CD2AP: variants seen among roughly 807,000 people sequenced by gnomAD.
The protein encoded by CD2AP is CD2-associated protein.
A neutral mutation model predicts 85.1 loss-of-function variants in CD2AP; 46 were observed. The ratio of observed to expected loss-of-function variants is 0.54; its 90% confidence interval spans 0.43 to 0.69. CD2AP has a LOEUF of 0.69. CD2AP is among the 30% of genes least tolerant of loss of function. CD2AP has a pLI of 0.00. For synonymous variants in CD2AP, 255 were observed against 252.9 expected (o/e 1.01, Z -0.08); for missense variants, 769 against 729.5 (o/e 1.05, Z -0.62).
intron 11 of CD2AP, among the ~76,000 whole-genome samples, chr6:47,586,708 T>C (rs1443706837): frequency 6.6e-6 from 1 of 152,174 alleles, no homozygotes; most frequent in Non-Finnish European, 1.5e-5. Context: ...AGGAAAACGA[T>C]ACTAGATTGG....
chr6:47,603,953 C>T (rs925169885), intron 13 of CD2AP, among the ~76,000 whole-genome samples: 1 of 151,908 alleles, frequency 6.6e-6, no homozygotes, highest in African/African-American at 2.4e-5. Flanking sequence ...TTTATTCTAA[C>T]CCTTTTGGTT....
chr6:47,606,277 T>G lies in CD2AP; in HGVS notation c.1530T>G (p.Ser510=). 2 of 1,526,370 alleles carry G rather than the reference T, an allele frequency of 1.3e-6. No homozygotes were observed. Among genetic ancestry groups the G allele is most frequent in the Admixed American group, 3.3e-5 (2 of 59,790 alleles). The allele number at this position is 1,526,370 out of a possible 1,614,324, so 94.6% of individuals were successfully genotyped here. The change falls in exon 14 of 18, where the codon TCT becomes TCG. Residue 510 remains serine, a splice_region_variant and synonymous_variant. Transcript: ENST00000359314. ...RLPGRFNGGH[S]PTHSPEKILK... ...CGGGCCGTTTCAATGGTGGACATTC[T>G]GTGAGTTCATCTAATTGTCGTAAAC...
intron 1 of CD2AP, among the ~76,000 whole-genome samples, chr6:47,482,471 C>T (rs1178404790): frequency 1.3e-5 from 2 of 151,416 alleles, no homozygotes; most frequent in East Asian, 1.9e-4. Context: ...CTCCGCCTCC[C>T]GGGTTCAAGC....
At chr6:47,611,152 C>A (rs1183690450) in intron 16 of CD2AP, among the ~76,000 whole-genome samples, 6 of 149,160 alleles carry the variant, frequency 4.0e-5, no homozygotes, top group Non-Finnish European at 8.9e-5. Flanking sequence ...AGAAATACTA[C>A]ACAGCATACA....
intron 1 of CD2AP, among the ~76,000 whole-genome samples, chr6:47,484,282 C>G (rs1765513546): frequency 6.6e-6 from 1 of 151,860 alleles, no homozygotes; most frequent in Non-Finnish European, 1.5e-5. Flanking sequence ...TGGTTTTAAC[C>G]ACAAATGAAG....
chr6:47,494,566 A>G (rs1432144997), intron 1 of CD2AP, among the ~76,000 whole-genome samples: 1 of 152,108 alleles, frequency 6.6e-6, no homozygotes. Context: ...GTTACAGAGA[A>G]TACTCAGGTT....
intron 5 of CD2AP, among the ~76,000 whole-genome samples, chr6:47,566,927 A>G (rs1768019553): frequency 6.6e-6 from 1 of 152,172 alleles, no homozygotes; most frequent in Admixed American, 6.5e-5. Context: ...AATATTGTAA[A>G]CATATGCATG....
At chr6:47,604,405 A>G (rs1460657254) in intron 13 of CD2AP, among the ~76,000 whole-genome samples, 2 of 152,070 alleles carry the variant, frequency 1.3e-5, no homozygotes, top group African/African-American at 2.4e-5. Context: ...GACATTTTAC[A>G]TGAGCATGGT....
At chr6:47,514,143 G>C (rs886370253) in intron 2 of CD2AP, among the ~76,000 whole-genome samples, 4 of 151,910 alleles carry the variant, frequency 2.6e-5, no homozygotes, top group Admixed American at 2.6e-4. Flanking sequence ...TGCTTTTTGT[G>C]ACTTGTCTAA....
At chr6:47,543,179 GAAAAAA>G (rs1767275118) in intron 3 of CD2AP, among the ~76,000 whole-genome samples, 1 of 127,284 alleles carries the variant, frequency 7.9e-6, no homozygotes, top group Admixed American at 7.7e-5. Flanking sequence ...AAAAGAAAAA[GAAAAAA>G]GAAAAAAAAG....
chr6:47,601,481 TGTTA>T (rs1296409791), intron 13 of CD2AP, among the ~76,000 whole-genome samples: 5 of 151,970 alleles, frequency 3.3e-5, no homozygotes, highest in Admixed American at 3.3e-4. Flanking sequence ...ATTTAGTTCA[TGTTA>T]ACTGTCAGAT....
chr6:47,556,604 C>T (rs1767699871), intron 5 of CD2AP, among the ~76,000 whole-genome samples: 1 of 152,080 alleles, frequency 6.6e-6, no homozygotes, highest in African/African-American at 2.4e-5. Flanking sequence ...ACGCCTCGGC[C>T]TCCCAAAGTG....
intron 3 of CD2AP, among the ~76,000 whole-genome samples, chr6:47,535,215 C>G (rs747398903): frequency 6.6e-6 from 1 of 152,084 alleles, no homozygotes; most frequent in Non-Finnish European, 1.5e-5. Context: ...AGGTCATTGC[C>G]AAGGTCTGAT....
intron 11 of CD2AP, among the ~76,000 whole-genome samples, chr6:47,586,386 G>C (rs1768631459): frequency 6.6e-6 from 1 of 152,118 alleles, no homozygotes; most frequent in Admixed American, 6.5e-5. Flanking sequence ...AAAGTGAACA[G>C]AATATTGGTT....
At chr6:47,512,375 T>C (rs1249880879) in intron 2 of CD2AP, among the ~76,000 whole-genome samples, 1 of 152,108 alleles carries the variant, frequency 6.6e-6, no homozygotes, top group African/African-American at 2.4e-5. Context: ...GCATGTTATT[T>C]TGTAAATCTG....
chr6:47,505,915 C>A, intron 2 of CD2AP, among the ~76,000 whole-genome samples: 1 of 108,250 alleles, frequency 9.2e-6, no homozygotes, highest in South Asian at 3.5e-4. Context: ...CCCCCCACCT[C>A]CCTCCCGGAC....
At chr6:47,479,199 T>A (rs1328502698) in intron 1 of CD2AP, among the ~76,000 whole-genome samples, 1 of 152,226 alleles carries the variant, frequency 6.6e-6, no homozygotes, top group African/African-American at 2.4e-5. Context: ...AAACCCAAGT[T>A]TGATTTTTGT....
chr6:47,518,477 T>C (rs2114003126), intron 2 of CD2AP, among the ~76,000 whole-genome samples: 1 of 152,380 alleles, frequency 6.6e-6, no homozygotes, highest in South Asian at 2.1e-4. Flanking sequence ...TTGGCTTTTT[T>C]GTGTCTGCTC....
intron 17 of CD2AP, among the ~76,000 whole-genome samples, chr6:47,621,134 G>C (rs1440565011): frequency 6.6e-6 from 1 of 152,144 alleles, no homozygotes; most frequent in Non-Finnish European, 1.5e-5. Context: ...TTCTCAGAGG[G>C]AATGCTTTCA....
Sources: gnomAD v4.1 joint callset for allele counts (sites outside exome capture counted in the v4.1 genomes callset) on GRCh38, gnomAD v4.1.1 for gene constraint, MANE v1.5 for transcripts, NCBI Gene and HGNC (gene_info 2026-07-23, HGNC 2026-07-21) for gene names.